The following PCDHGA6 variants were observed in gnomAD, a reference collection of about 807,000 sequenced individuals.
PCDHGA6 encodes protocadherin gamma subfamily A, 6, also known as protocadherin gamma-A6.
Under a neutral mutation model 60.6 loss-of-function variants are expected in PCDHGA6, and 41 were observed. That is an observed-to-expected ratio of 0.68 (90% confidence interval 0.53 to 0.88). PCDHGA6 has a LOEUF of 0.88. Ranked by LOEUF, PCDHGA6 falls within the 40% of genes least tolerant of loss-of-function variation. The pLI, the probability that PCDHGA6 is intolerant of heterozygous loss-of-function variation, is 0.00. For synonymous variants in PCDHGA6, 594 were observed against 524.4 expected (o/e 1.13, Z -1.81); for missense variants, 1,312 against 1,203.0 (o/e 1.09, Z -1.34).
Position 141,374,021 on chromosome 5 carries a change from C to G in PCDHGA6, c.-63C>G. 3 of 1,406,168 alleles carry G rather than the reference C, an allele frequency of 2.1e-6. No homozygotes were observed. In the South Asian group the frequency reaches 5.2e-5, roughly 24 times the overall value. The allele number at this position is 1,406,168 out of a possible 1,614,324, so 87.1% of individuals were successfully genotyped here. The stretch of plus-strand genomic sequence containing the variant: ...CCTTCACCGCTATTTCTGAGAAGAG[C>G]AAAAGTGATGCAGATCTGTTCTTCC... On this transcript the variant is annotated 5_prime_UTR_variant, in exon 1 of 4. Transcript: ENST00000517434.
At chr5:141,418,603 G>C in intron 1 of PCDHGA6, 1 of 1,614,020 alleles carries the variant, frequency 6.2e-7, no homozygotes, top group Non-Finnish European at 8.5e-7. Context: ...ACGTGTACAG[G>C]GTTAGCCTTC....
chr5:141,498,523 G>A (rs555386753), intron 2 of PCDHGA6, among the ~76,000 whole-genome samples: 1 of 151,580 alleles, frequency 6.6e-6, no homozygotes, highest in Admixed American at 6.6e-5. Context: ...CTTGCCCACT[G>A]CCCTCCAGCC....
At position 141,435,341 on chromosome 5, in the gene PCDHGA6, C is replaced by T. The variant is rs73794903; in HGVS notation, c.2424+58834C>T. 9.3e-3 allele frequency among the ~76,000 whole-genome samples: 1,412 copies of T among 152,206 alleles called. 25 individuals carry two copies. Among genetic ancestry groups the T allele is most frequent in the African/African-American group, 0.032 (1,313 of 41,532 alleles). On this transcript the variant is annotated intron_variant, in intron 1 of 3. Coordinates refer to ENST00000517434, the MANE Select transcript of PCDHGA6 (RefSeq NM_018919.3). ...ACTTCCAAATATAGTGAATTTATTT[C>T]TTCTGCATTTAAAATTTTATCACTT...
chr5:141,388,514 GA>G (rs1218773677), intron 1 of PCDHGA6: 33 of 1,613,840 alleles, frequency 2.0e-5, no homozygotes, highest in Non-Finnish European at 2.8e-5. Flanking sequence ...CCTACCACTT[GA>G]CTTTGACTGC....
chr5:141,397,820 C>G (rs2093573235), intron 1 of PCDHGA6, among the ~76,000 whole-genome samples: 1 of 152,240 alleles, frequency 6.6e-6, no homozygotes, highest in Non-Finnish European at 1.5e-5. Flanking sequence ...AAAACAATTA[C>G]TGCACTGGTT....
intron 1 of PCDHGA6, chr5:141,385,044 G>T: frequency 1.9e-6 from 3 of 1,614,146 alleles, no homozygotes; most frequent in South Asian, 2.2e-5. Context: ...TGGCGCTCAG[G>T]CTGCGGCGCT....
At chr5:141,402,456 C>T (rs1052745008) in intron 1 of PCDHGA6, among the ~76,000 whole-genome samples, 1 of 152,050 alleles carries the variant, frequency 6.6e-6, no homozygotes, top group African/African-American at 2.4e-5. Flanking sequence ...TAATAGTTTA[C>T]ATATCTAGAA....
At chr5:141,412,861 A>T (rs925106716) in intron 1 of PCDHGA6, 19 of 235,604 alleles carry the variant, frequency 8.1e-5, no homozygotes, top group African/African-American at 3.4e-4. Context: ...CAAAGAATCT[A>T]TGTAAAATAT....
Position 141,374,640 on chromosome 5 carries a change from C to G in PCDHGA6, c.557C>G (p.Ala186Gly). ...SHFSVDVQSE[A>G]HGPKYPELVL... ...TTCTCAGTGGACGTGCAAAGCGAAGCCCATGGGCCCAAGTACCCGGAGCTG... is the reference window on the plus strand; with the variant it reads ...TTCTCAGTGGACGTGCAAAGCGAAGGCCATGGGCCCAAGTACCCGGAGCTG... The change falls in exon 1 of 4, where the codon GCC becomes GGC. Residue 186 changes from alanine (A) to glycine (G), a missense_variant. Transcript: ENST00000517434. The G allele has an allele frequency of 6.2e-7, 1 of 1,612,778 alleles. No homozygotes were observed. Among genetic ancestry groups the G allele is most frequent in the African/African-American group, 1.3e-5 (1 of 75,044 alleles).
chr5:141,508,919 C>T (rs1166086266), intron 3 of PCDHGA6, among the ~76,000 whole-genome samples: 1 of 151,996 alleles, frequency 6.6e-6, no homozygotes, highest in Non-Finnish European at 1.5e-5. Context: ...GATCTGGCTT[C>T]CTTTTGGAGT....
intron 1 of PCDHGA6, among the ~76,000 whole-genome samples, chr5:141,492,408 C>T (rs1187024017): frequency 2.0e-5 from 3 of 152,244 alleles, no homozygotes; most frequent in African/African-American, 2.4e-5. Flanking sequence ...CTCCCCTCTG[C>T]CGCTCCCTCC....
chr5:141,481,900 C>T (rs949418188), intron 1 of PCDHGA6, among the ~76,000 whole-genome samples: 13 of 126,002 alleles, frequency 1.0e-4, no homozygotes, highest in African/African-American at 3.2e-4. Flanking sequence ...GGTGAAAGAG[C>T]GAAACTCCAT....
chr5:141,384,504 T>C (rs941539151), intron 1 of PCDHGA6: 1 of 1,614,048 alleles, frequency 6.2e-7, no homozygotes, highest in African/African-American at 1.3e-5. Context: ...TGACTGCACA[T>C]GACAGCGGGG....
intron 1 of PCDHGA6, chr5:141,390,739 A>G (rs1459430005): frequency 5.6e-6 from 1 of 178,034 alleles, no homozygotes; most frequent in Non-Finnish European, 1.2e-5. Context: ...TATGGTCTCC[A>G]TAGTAGTCCA....
At chr5:141,392,728 G>A in intron 1 of PCDHGA6, 3 of 1,407,730 alleles carry the variant, frequency 2.1e-6, no homozygotes, top group Non-Finnish European at 2.8e-6. Flanking sequence ...CCGGAGGATT[G>A]TCATCTCCAT....
At chr5:141,428,489 T>C (rs2097142285) in intron 1 of PCDHGA6, 1 of 312,516 alleles carries the variant, frequency 3.2e-6, no homozygotes. Context: ...TCCTGCAATC[T>C]GTATGTTCCC....
At position 141,486,368 on chromosome 5, in the gene PCDHGA6, T is replaced by C. The variant is rs1217513529; in HGVS notation, c.2425-8439T>C. 6.2e-7 allele frequency: 1 copy of C among 1,614,014 alleles called. No homozygotes were observed. Among genetic ancestry groups the C allele is most frequent in the Non-Finnish European group, 8.5e-7 (1 of 1,180,000 alleles). On this transcript the variant is annotated intron_variant, in intron 1 of 3. Coordinates refer to ENST00000517434, the MANE Select transcript of PCDHGA6 (RefSeq NM_018919.3). This position sits in a 1 kb window ranked among gnomAD's most constrained non-coding sequence, Gnocchi z 5.0. ...TGACCACTTGCCATTTGCCCTCAAGTCTGCCTTCAGGAACCAGTTCTCCCT... is the reference window on the plus strand; with the variant it reads ...TGACCACTTGCCATTTGCCCTCAAGCCTGCCTTCAGGAACCAGTTCTCCCT...
intron 1 of PCDHGA6, chr5:141,407,971 G>T (rs1399304138): frequency 2.8e-6 from 2 of 717,762 alleles, no homozygotes; most frequent in Non-Finnish European, 4.3e-6. Context: ...AAGCGCTGAC[G>T]CCGGGGATCC....
intron 1 of PCDHGA6, chr5:141,389,305 C>T: frequency 6.2e-7 from 1 of 1,614,004 alleles, no homozygotes; most frequent in Non-Finnish European, 8.5e-7. Flanking sequence ...CAAGTCAGGG[C>T]TTCTGATCCG....
Sources: gnomAD v4.1 joint callset for allele counts (sites outside exome capture counted in the v4.1 genomes callset) on GRCh38, gnomAD v4.1.1 for gene constraint, Gnocchi (gnomAD v3.1) non-coding constraint, MANE v1.5 for transcripts, NCBI Gene and HGNC (gene_info 2026-07-23, HGNC 2026-07-21) for gene names.